The following ITGAL variants were observed in gnomAD, a reference collection of about 807,000 sequenced individuals.
The protein encoded by ITGAL is integrin alpha-L.
A neutral mutation model predicts 138.4 loss-of-function variants in ITGAL; 68 were observed. That is an observed-to-expected ratio of 0.49 (90% CI 0.40 to 0.60). The LOEUF (loss-of-function observed/expected upper bound fraction) is 0.60, where lower values mean the gene tolerates loss of function less well. ITGAL is among the 20% of genes least tolerant of loss of function. ITGAL has a pLI of 0.00. For missense variants in ITGAL, 1,256 were observed against 1,478.6 expected (o/e 0.85, Z 2.47); for synonymous variants, 561 against 584.3 (o/e 0.96, Z 0.57).
intron 11 of ITGAL, among the ~76,000 whole-genome samples, chr16:30,492,255 C>CTT (rs34570222): frequency 7.7e-6 from 1 of 130,712 alleles, no homozygotes; most frequent in Non-Finnish European, 1.6e-5. Context: ...TCTTTTTTTT[C>CTT]TTTTTTTTTT....
chr16:30,509,606 G>A lies in ITGAL; in HGVS notation c.2509-755G>A, dbSNP rs975958798. 5.3e-5 allele frequency among the ~76,000 whole-genome samples: 8 copies of A among 152,128 alleles called. No individual in the cohort carries two copies. The South Asian group carries it at 1.5e-3, about 28-fold the overall frequency. On this transcript the variant is annotated intron_variant, in intron 21 of 30. Coordinates refer to ENST00000356798, the MANE Select transcript of ITGAL (RefSeq NM_002209.3). ...CACCCAACTTTTATTTTTGAGATAA[G>A]GTCTCACTCTGTTGCCCAGGCTAAA...
intron 11 of ITGAL, among the ~76,000 whole-genome samples, chr16:30,491,593 T>C (rs2050724588): frequency 6.6e-6 from 1 of 151,904 alleles, no homozygotes; most frequent in African/African-American, 2.4e-5. Flanking sequence ...ACATGTCTTA[T>C]TTAACTCTCA....
chr16:30,508,984 C>G (rs539593439), intron 21 of ITGAL, among the ~76,000 whole-genome samples: 1 of 151,922 alleles, frequency 6.6e-6, no homozygotes, highest in Admixed American at 6.6e-5. Flanking sequence ...CAAAACCAGA[C>G]GGGGCAACAT....
chr16:30,505,148 T>G (rs1362355156), intron 18 of ITGAL, 96 bp from the exon 19 acceptor site: 10 of 1,244,212 alleles, frequency 8.0e-6, no homozygotes, highest in South Asian at 1.8e-5. Flanking sequence ...GCCAGCCCAG[T>G]TGAGCTAAGC....
chr16:30,496,175 C>T lies in ITGAL; in HGVS notation c.1582C>T (p.Leu528=), dbSNP rs1176830183. 1.1e-5 allele frequency: 17 copies of T among 1,614,106 alleles called. No individual in the cohort carries two copies. The highest frequency in any genetic ancestry group is 1.4e-5 in the Non-Finnish European group (17 of 1,180,016). The change falls in exon 14 of 31, where the codon CTG becomes TTG. Residue 528 remains leucine, a synonymous_variant. Coordinates refer to ENST00000356798, the MANE Select transcript of ITGAL (RefSeq NM_002209.3). ...LGRFGEAITA[L]TDINGDGLVD... is the part of the protein sequence containing the mutation. ...GCGGTTTGGAGAAGCCATCACTGCT[C>T]TGACAGACATCAACGGCGATGGGCT...
chr16:30,521,597 G>C lies in ITGAL; in HGVS notation c.3445G>C (p.Ala1149Pro), dbSNP rs757401973. The stretch of plus-strand genomic sequence containing the variant: ...TGAGCAGCTGGCATCTGGGCAAGAG[G>C]CTGGGGATCCCGGCTGCCTGAAGCC... ...DSEQLASGQE[A>P]GDPGCLKPLH... is the part of the protein sequence containing the mutation. Residue 1149 changes from alanine to proline, a missense_variant, in exon 31 of 31, where the codon GCT becomes CCT. Coordinates refer to ENST00000356798, the MANE Select transcript of ITGAL (RefSeq NM_002209.3). The C allele has an allele frequency of 1.2e-5, 20 of 1,614,048 alleles. No homozygotes were observed. The Admixed American group carries it at 3.3e-4, about 27-fold the overall frequency.
At chr16:30,517,555 C>A in intron 26 of ITGAL, 94 bp from the exon 27 acceptor site, 1 of 1,044,918 alleles carries the variant, frequency 9.6e-7, no homozygotes, top group Non-Finnish European at 1.5e-6. Flanking sequence ...TCTGAACTCA[C>A]CCAGGGCCAG....
At chr16:30,503,479 G>C (rs768611737) in intron 17 of ITGAL, among the ~76,000 whole-genome samples, 6 of 148,282 alleles carry the variant, frequency 4.0e-5, no homozygotes, top group Non-Finnish European at 7.4e-5. Flanking sequence ...GACAGAAGGA[G>C]GGAGGATGAA....
chr16:30,516,905 C>A, intron 25 of ITGAL, 68 bp from the exon 26 acceptor site: 1 of 1,111,720 alleles, frequency 9.0e-7, no homozygotes, highest in Non-Finnish European at 1.4e-6. Context: ...TGCAAGGGCA[C>A]ACAGGGTCTG....
At chr16:30,520,073 AG>A (rs2051230586) in intron 30 of ITGAL, 106 bp downstream of exon 30, 4 of 799,282 alleles carry the variant, frequency 5.0e-6, no homozygotes, top group Non-Finnish European at 8.3e-6. Context: ...CATAAGAGCC[AG>A]GGGGCCTCAG....
intron 25 of ITGAL, among the ~76,000 whole-genome samples, chr16:30,514,395 G>A (rs920188561): frequency 6.6e-6 from 1 of 151,892 alleles, no homozygotes. Context: ...TCCTACCTCA[G>A]CCTCCCAAGT....
At chr16:30,490,095 C>T (rs922458401) in intron 11 of ITGAL, among the ~76,000 whole-genome samples, 5 of 151,876 alleles carry the variant, frequency 3.3e-5, no homozygotes, top group Admixed American at 2.0e-4. Flanking sequence ...GGCATGATGG[C>T]GGGTGCCTTT....
At chr16:30,511,283 A>G in intron 24 of ITGAL, 147 bp downstream of exon 24, 1 of 657,386 alleles carries the variant, frequency 1.5e-6, no homozygotes, top group Middle Eastern at 3.7e-4. Context: ...TCCAGCCACA[A>G]CCCCAAAAGT....
intron 11 of ITGAL, among the ~76,000 whole-genome samples, chr16:30,491,404 A>G (rs1018813583): frequency 1.3e-5 from 2 of 152,058 alleles, no homozygotes; most frequent in Non-Finnish European, 2.9e-5. Flanking sequence ...CTGTCTCAAA[A>G]AAAAAGAAAA....
At chr16:30,499,288 T>C (rs752102617) in intron 16 of ITGAL, 50 bp from the exon 17 acceptor site, 7 of 1,613,104 alleles carry the variant, frequency 4.3e-6, no homozygotes, top group Middle Eastern at 1.7e-4. Flanking sequence ...TCCAGGCTTA[T>C]GGCCTGGGAT....
At chr16:30,474,815 T>C (rs1284654684) in intron 2 of ITGAL, among the ~76,000 whole-genome samples, 1 of 151,904 alleles carries the variant, frequency 6.6e-6, no homozygotes, top group Non-Finnish European at 1.5e-5. Flanking sequence ...TCTGCGATTC[T>C]GTAGGGAAGA....
chr16:30,504,374 G>A, intron 18 of ITGAL, 110 bp downstream of exon 18: 2 of 804,456 alleles, frequency 2.5e-6, no homozygotes, highest in East Asian at 5.1e-5. Flanking sequence ...CACTTTGGGA[G>A]GCTGAAGTGG....
intron 9 of ITGAL, among the ~76,000 whole-genome samples, 173 bp downstream of exon 9, chr16:30,484,436 C>A (rs1224652667): frequency 4.6e-5 from 7 of 151,070 alleles, no homozygotes; most frequent in Non-Finnish European, 1.0e-4. Context: ...TGGCAAAACC[C>A]CATCTATACT....
At chr16:30,505,856 G>C (rs2151166906) in intron 20 of ITGAL, among the ~76,000 whole-genome samples, 1 of 152,312 alleles carries the variant, frequency 6.6e-6, no homozygotes, top group African/African-American at 2.4e-5. Context: ...CTGGGTGACA[G>C]AGCAAGACTC....
Sources: gnomAD v4.1 joint callset for allele counts (sites outside exome capture counted in the v4.1 genomes callset) on GRCh38, gnomAD v4.1.1 for gene constraint, MANE v1.5 for transcripts, NCBI Gene and HGNC (gene_info 2026-07-23, HGNC 2026-07-21) for gene names.